C8orf34: variants seen among roughly 807,000 people sequenced by gnomAD.
The protein encoded by C8orf34 is uncharacterized protein C8orf34.
Under a neutral mutation model 68.3 loss-of-function variants are expected in C8orf34, and 65 were observed. The observed-to-expected ratio is 0.95, with a 90% CI of 0.78 to 1.17. C8orf34 has a LOEUF of 1.17. Among genes scored for constraint, C8orf34 ranks in the 50% most tolerant of loss-of-function variants. The pLI, the probability that C8orf34 is intolerant of heterozygous loss-of-function variation, is 0.00. For missense variants in C8orf34, 664 were observed against 655.4 expected (o/e 1.01, Z -0.14); for synonymous variants, 244 against 241.2 (o/e 1.01, Z -0.11).
At chr8:68,544,214 G>A (rs1406103111) in intron 7 of C8orf34, among the ~76,000 whole-genome samples, 1 of 152,128 alleles carries the variant, frequency 6.6e-6, no homozygotes, top group African/African-American at 2.4e-5. Flanking sequence ...CAAGACCTGA[G>A]AGAATGCTTA....
chr8:68,627,002 A>C (rs1322994103), intron 7 of C8orf34, among the ~76,000 whole-genome samples: 1 of 152,196 alleles, frequency 6.6e-6, no homozygotes, highest in Non-Finnish European at 1.5e-5. Context: ...CGAATTGAAT[A>C]AATATACTTT....
chr8:68,502,142 T>C (rs1206824567), intron 5 of C8orf34, among the ~76,000 whole-genome samples: 1 of 152,156 alleles, frequency 6.6e-6, no homozygotes, highest in Non-Finnish European at 1.5e-5. Context: ...CTCAGCTCAC[T>C]GTAACCTCCG....
chr8:68,780,260 AG>A (rs1171145084), intron 11 of C8orf34, among the ~76,000 whole-genome samples: 2 of 152,328 alleles, frequency 1.3e-5, no homozygotes, highest in Non-Finnish European at 2.9e-5. Flanking sequence ...CTGTAAAATC[AG>A]GCATGCTCGA....
At chr8:68,385,730 A>T (rs1211637321) in intron 1 of C8orf34, among the ~76,000 whole-genome samples, 1 of 152,132 alleles carries the variant, frequency 6.6e-6, no homozygotes. Context: ...GAAATGTGGA[A>T]TTAGTGATAG....
intron 7 of C8orf34, among the ~76,000 whole-genome samples, chr8:68,559,182 G>A (rs1020078753): frequency 3.3e-5 from 5 of 152,180 alleles, no homozygotes; most frequent in Admixed American, 6.5e-5. Context: ...GGAGACCAGA[G>A]GTCACTGATT....
intron 1 of C8orf34, among the ~76,000 whole-genome samples, chr8:68,345,068 A>C (rs762289904): frequency 6.6e-6 from 1 of 152,072 alleles, no homozygotes; most frequent in Non-Finnish European, 1.5e-5. Context: ...TACCAAAAGC[A>C]AGTCCAGACA....
intron 7 of C8orf34, among the ~76,000 whole-genome samples, chr8:68,586,478 T>G (rs1461177741): frequency 6.6e-6 from 1 of 152,166 alleles, no homozygotes; most frequent in Non-Finnish European, 1.5e-5. Context: ...TGAGGGCTAG[T>G]TAGTTAAAAC....
At chr8:68,797,594 A>G (rs187246878) in intron 12 of C8orf34, among the ~76,000 whole-genome samples, 262 of 152,192 alleles carry the variant, frequency 1.7e-3, no homozygotes, top group African/African-American at 6.0e-3. Flanking sequence ...ACTTGTTTCC[A>G]GGCAGTCTCC....
At chr8:68,771,301 C>A (rs974011433) in intron 10 of C8orf34, among the ~76,000 whole-genome samples, 1 of 152,066 alleles carries the variant, frequency 6.6e-6, no homozygotes, top group Non-Finnish European at 1.5e-5. Context: ...TAGAGGTTGT[C>A]GAGTTCAGAA....
At chr8:68,490,358 G>A (rs113856647) in intron 5 of C8orf34, among the ~76,000 whole-genome samples, 141 of 152,120 alleles carry the variant, frequency 9.3e-4, no homozygotes, top group African/African-American at 3.2e-3. Flanking sequence ...CGGCTTTGGT[G>A]TCCACACCTT....
chr8:68,540,837 G>A (rs531863339), intron 7 of C8orf34, among the ~76,000 whole-genome samples: 4 of 64,352 alleles, frequency 6.2e-5, no homozygotes, highest in South Asian at 7.8e-4. Context: ...GCGAGACTGC[G>A]TCTCAAACAA....
chr8:68,435,959 G>A (rs1810648504), intron 1 of C8orf34, among the ~76,000 whole-genome samples: 2 of 152,206 alleles, frequency 1.3e-5, no homozygotes, highest in Non-Finnish European at 2.9e-5. Flanking sequence ...TATAATCACA[G>A]CACTTTGGTA....
At chr8:68,527,477 C>G (rs1054346067) in intron 6 of C8orf34, among the ~76,000 whole-genome samples, 1 of 152,158 alleles carries the variant, frequency 6.6e-6, no homozygotes, top group African/African-American at 2.4e-5. Flanking sequence ...GAGGCTGAGG[C>G]AGGAGAATGG....
intron 1 of C8orf34, among the ~76,000 whole-genome samples, chr8:68,345,165 C>A (rs534324983): frequency 3.3e-5 from 5 of 151,896 alleles, no homozygotes; most frequent in Non-Finnish European, 7.4e-5. Context: ...TTTGCGTAAT[C>A]TGTATAAAAG....
At chr8:68,358,933 A>G (rs949034749) in intron 1 of C8orf34, among the ~76,000 whole-genome samples, 1 of 152,048 alleles carries the variant, frequency 6.6e-6, no homozygotes, top group Non-Finnish European at 1.5e-5. Flanking sequence ...GCCTGGCCTC[A>G]AGTGATCCAC....
intron 4 of C8orf34, among the ~76,000 whole-genome samples, chr8:68,475,381 T>G (rs1812565274): frequency 6.6e-6 from 1 of 152,206 alleles, no homozygotes; most frequent in Admixed American, 6.5e-5. Context: ...CAGAGCCACT[T>G]TGCTCTTGCA....
intron 12 of C8orf34, among the ~76,000 whole-genome samples, chr8:68,792,938 C>T (rs970791366): frequency 2.0e-5 from 3 of 151,652 alleles, no homozygotes; most frequent in Admixed American, 1.3e-4. Flanking sequence ...TACTTACAAA[C>T]ATATATAGAT....
chr8:68,401,477 C>G (rs1808951267), intron 1 of C8orf34, among the ~76,000 whole-genome samples: 1 of 152,048 alleles, frequency 6.6e-6, no homozygotes, highest in African/African-American at 2.4e-5. Context: ...AATACTTTCA[C>G]CTTTTCCCTA....
chr8:68,471,796 T>C (rs890077649), intron 4 of C8orf34, among the ~76,000 whole-genome samples: 24 of 152,078 alleles, frequency 1.6e-4, no homozygotes, highest in Non-Finnish European at 2.6e-4. Flanking sequence ...GGTTGTACGG[T>C]CTAAAAAAAT....
Sources: allele counts gnomAD v4.1 joint callset (sites outside exome capture counted in the v4.1 genomes callset), GRCh38; gene constraint gnomAD v4.1.1; transcripts MANE v1.5; gene names NCBI Gene and HGNC (gene_info 2026-07-23, HGNC 2026-07-21).